Variants in ARPP21 observed in about 807,000 individuals in gnomAD.
The protein encoded by ARPP21 is cAMP-regulated phosphoprotein 21.
Under a neutral mutation model 113.2 loss-of-function variants are expected in ARPP21, and 69 were observed. The observed-to-expected ratio is 0.61, with a 90% CI of 0.50 to 0.74. ARPP21 has a LOEUF of 0.74. ARPP21 is among the 30% of genes least tolerant of loss of function. The probability of loss-of-function intolerance (pLI) is 0.00; values close to 1 mark genes in which losing one functional copy is unlikely to be tolerated. For missense variants in ARPP21, 1,070 were observed against 1,037.4 expected (o/e 1.03, Z -0.43); for synonymous variants, 368 against 375.5 (o/e 0.98, Z 0.23).
chr3:35,681,745 T>C lies in ARPP21; in HGVS notation c.-7T>C, dbSNP rs80148739. 564 of 1,608,274 alleles carry C rather than the reference T, an allele frequency of 3.5e-4. 1 individual carries two copies. In the African/African-American group the frequency reaches 7.0e-3, roughly 20 times the overall value. ...AAATCTTGTTATTTTAATTTGCATC[T>C]GGGAGAATGTCTGAGCAAGGAGACC... On this transcript the variant is annotated 5_prime_UTR_variant, in exon 3 of 21. Transcript: ENST00000684406.
At chr3:35,695,918 T>C (rs1294048362) in intron 9 of ARPP21, among the ~76,000 whole-genome samples, 1 of 151,622 alleles carries the variant, frequency 6.6e-6, no homozygotes, top group Non-Finnish European at 1.5e-5. Context: ...GTGAATTGTC[T>C]AAAGTCATAC....
At chr3:35,713,957 A>G (rs538296621) in intron 11 of ARPP21, among the ~76,000 whole-genome samples, 323 of 152,330 alleles carry the variant, frequency 2.1e-3, no homozygotes, top group Non-Finnish European at 3.4e-3. Context: ...TTTCTTTTAC[A>G]TACCTTACTT....
At chr3:35,790,501 C>T (rs992545687) in intron 19 of ARPP21, among the ~76,000 whole-genome samples, 1 of 152,162 alleles carries the variant, frequency 6.6e-6, no homozygotes, top group African/African-American at 2.4e-5. Flanking sequence ...CAATCGGAAA[C>T]AATTTTCTGC....
chr3:35,726,946 C>T (rs2093580641), intron 14 of ARPP21, among the ~76,000 whole-genome samples: 1 of 152,202 alleles, frequency 6.6e-6, no homozygotes. Context: ...TCAAATTATA[C>T]ACAGCAGGTC....
intron 1 of ARPP21, among the ~76,000 whole-genome samples, chr3:35,661,773 T>C (rs1707935519): frequency 6.6e-6 from 1 of 152,164 alleles, no homozygotes; most frequent in South Asian, 2.1e-4. Context: ...TGTGTTACCT[T>C]GGGCAAGTTC....
chr3:35,720,535 T>G (rs1177938340), intron 13 of ARPP21, among the ~76,000 whole-genome samples: 1 of 152,220 alleles, frequency 6.6e-6, no homozygotes, highest in Non-Finnish European at 1.5e-5. Context: ...TATGTCTCAT[T>G]GTTAATATGA....
intron 19 of ARPP21, among the ~76,000 whole-genome samples, chr3:35,747,937 GAAAGAAAGAA>G (rs1266476143): frequency 2.2e-5 from 3 of 134,512 alleles, no homozygotes; most frequent in African/African-American, 8.8e-5. Flanking sequence ...AAGGAGGAAA[GAAAGAAAGAA>G]AAAGAAAGAA....
chr3:35,677,301 T>G (rs1351757617), intron 1 of ARPP21, among the ~76,000 whole-genome samples: 1 of 151,494 alleles, frequency 6.6e-6, no homozygotes, highest in African/African-American at 2.4e-5. Flanking sequence ...CACACACACA[T>G]ACACTTAGGA....
chr3:35,728,937 T>G (rs907913697), intron 14 of ARPP21, among the ~76,000 whole-genome samples: 2 of 152,138 alleles, frequency 1.3e-5, no homozygotes, highest in African/African-American at 4.8e-5. Context: ...TTTTTCAGCT[T>G]AGTAAGACAT....
intron 5 of ARPP21, chr3:35,684,597 G>C: frequency 3.7e-5 from 36 of 985,392 alleles, no homozygotes; most frequent in Non-Finnish European, 4.3e-5. Flanking sequence ...GTGCAGTCAA[G>C]ACAAAAGTAA....
intron 1 of ARPP21, among the ~76,000 whole-genome samples, chr3:35,654,434 A>G (rs1045485487): frequency 1.4e-4 from 22 of 152,174 alleles, no homozygotes; most frequent in African/African-American, 5.3e-4. Context: ...CATGGGGGAG[A>G]AGTAACACCA....
At chr3:35,783,552 T>C (rs575001261) in intron 19 of ARPP21, among the ~76,000 whole-genome samples, 2 of 152,308 alleles carry the variant, frequency 1.3e-5, no homozygotes, top group African/African-American at 4.8e-5. Flanking sequence ...CTTAACTTCA[T>C]GTCTTCATCA....
chr3:35,658,730 T>G (rs1396269476), intron 1 of ARPP21, among the ~76,000 whole-genome samples: 2 of 152,054 alleles, frequency 1.3e-5, no homozygotes, highest in Admixed American at 6.6e-5. Context: ...GTAGCTGCCT[T>G]TTAGGTTCTT....
intron 9 of ARPP21, among the ~76,000 whole-genome samples, chr3:35,697,999 A>G (rs974270715): frequency 2.0e-5 from 3 of 151,674 alleles, no homozygotes; most frequent in East Asian, 1.9e-4. Context: ...GCATCCTGTC[A>G]TTTCTAAACA....
chr3:35,688,763 A>G (rs1406017258), intron 6 of ARPP21, among the ~76,000 whole-genome samples: 1 of 151,694 alleles, frequency 6.6e-6, no homozygotes, highest in East Asian at 1.9e-4. Flanking sequence ...TCAGGTTTCT[A>G]AAACAGTTTT....
chr3:35,682,727 T>A, intron 3 of ARPP21, 121 bp from the exon 4 acceptor site: 1 of 804,242 alleles, frequency 1.2e-6, no homozygotes. Context: ...TATTGACTTC[T>A]CTACTGTAGC....
chr3:35,653,336 G>A (rs1035134607), intron 1 of ARPP21, among the ~76,000 whole-genome samples: 2 of 151,670 alleles, frequency 1.3e-5, no homozygotes, highest in Non-Finnish European at 2.9e-5. Context: ...AATATGTAAC[G>A]GCCACACAAA....
chr3:35,700,202 C>G (rs541726020), intron 9 of ARPP21, among the ~76,000 whole-genome samples: 9 of 151,856 alleles, frequency 5.9e-5, no homozygotes, highest in Admixed American at 3.9e-4. Context: ...CAAACAACAG[C>G]CCTCTCCCTC....
chr3:35,730,277 T>G (rs1227305053), intron 15 of ARPP21, among the ~76,000 whole-genome samples: 2 of 152,236 alleles, frequency 1.3e-5, no homozygotes, highest in Non-Finnish European at 2.9e-5. Context: ...CATCAGCCAA[T>G]GAACTCAGGA....
Sources: allele counts gnomAD v4.1 joint callset (sites outside exome capture counted in the v4.1 genomes callset), GRCh38; gene constraint gnomAD v4.1.1; transcripts MANE v1.5; gene names NCBI Gene and HGNC (gene_info 2026-07-23, HGNC 2026-07-21).